The following TDO2 variants were observed in gnomAD, a reference collection of about 807,000 sequenced individuals.
TDO2 encodes the protein tryptophan 2,3-dioxygenase.
Under a neutral mutation model 61.2 loss-of-function variants are expected in TDO2, and 63 were observed. The observed-to-expected ratio is 1.03, with a 90% CI of 0.84 to 1.27. The LOEUF (loss-of-function observed/expected upper bound fraction) is 1.27, where lower values mean the gene tolerates loss of function less well. TDO2 is among the 50% of genes most tolerant of loss of function. The pLI, the probability that TDO2 is intolerant of heterozygous loss-of-function variation, is 0.00. For missense variants in TDO2, 494 were observed against 469.5 expected, an observed-to-expected ratio of 1.05 and a Z score of -0.48; for synonymous variants, 183 against 164.0, an observed-to-expected ratio of 1.12 and a Z score of -0.89.
At chr4:155,918,114 A>G in intron 10 of TDO2, 35 bp from the exon 11 acceptor site, 1 of 1,597,954 alleles carries the variant, frequency 6.3e-7, no homozygotes, top group Non-Finnish European at 8.6e-7. Flanking sequence ...AATGGTGGAA[A>G]AATATCCATG....
intron 3 of TDO2, chr4:155,906,529 C>G (rs1041589175): frequency 6.6e-6 from 1 of 152,064 alleles, no homozygotes; most frequent in South Asian, 2.1e-4. Context: ...TATTGACTTC[C>G]TGTGTCATCT....
In TDO2 at chr4:155,903,829, T is replaced by C. The variant is rs1742669336; in HGVS notation, c.35+36T>C. 2.5e-6 allele frequency: 4 copies of C among 1,611,478 alleles called. No individual in the cohort carries two copies. The Admixed American group carries it at 6.7e-5, about 27-fold the overall frequency. On this transcript the variant is annotated intron_variant, in intron 1 of 11. Coordinates refer to ENST00000536354, the MANE Select transcript of TDO2 (RefSeq NM_005651.4). Reference sequence around the variant, plus strand: ...ACCTTTATTCTAAGTGGGTTTTGGCTTTTAGAAGTATCAGGTGTGAGCATT... The same window carrying C: ...ACCTTTATTCTAAGTGGGTTTTGGCCTTTAGAAGTATCAGGTGTGAGCATT...
chr4:155,917,703 G>A (rs187728862), intron 10 of TDO2, among the ~76,000 whole-genome samples: 9 of 152,168 alleles, frequency 5.9e-5, no homozygotes, highest in East Asian at 5.8e-4. Flanking sequence ...GGGGGCTCAT[G>A]AAAATGTTTT....
intron 7 of TDO2, among the ~76,000 whole-genome samples, chr4:155,913,790 G>A (rs1664492169): frequency 6.6e-6 from 1 of 152,102 alleles, no homozygotes; most frequent in African/African-American, 2.4e-5. Context: ...AGCAGAATAT[G>A]TGTTGTAGGC....
chr4:155,913,754 T>G (rs72681576), intron 7 of TDO2, among the ~76,000 whole-genome samples: 9,887 of 152,206 alleles, frequency 0.065, 416 homozygotes, highest in South Asian at 0.15. Flanking sequence ...TAAATAATTT[T>G]CCCCAGCTCA....
intron 2 of TDO2, 32 bp downstream of exon 2, chr4:155,904,155 T>A (rs1399366780): frequency 6.6e-7 from 1 of 1,523,674 alleles, no homozygotes; most frequent in Non-Finnish European, 9.0e-7. Flanking sequence ...GGGTTTGGTG[T>A]CCATTGTTAG....
At chr4:155,914,711 A>G (rs557834338) in intron 8 of TDO2, among the ~76,000 whole-genome samples, 113 of 152,288 alleles carry the variant, frequency 7.4e-4, no homozygotes, top group African/African-American at 2.6e-3. Context: ...CAAGTAGTTC[A>G]CAGCCTAATA....
chr4:155,916,002 A>G, intron 9 of TDO2, 90 bp downstream of exon 9: 1 of 1,064,634 alleles, frequency 9.4e-7, no homozygotes, highest in African/African-American at 1.7e-5. Flanking sequence ...TTACAATCAT[A>G]GTTTAATGCA....
At chr4:155,909,851 C>G (rs1742785117) in intron 5 of TDO2, among the ~76,000 whole-genome samples, 174 bp from the exon 6 acceptor site, 1 of 120,744 alleles carries the variant, frequency 8.3e-6, no homozygotes, top group East Asian at 2.7e-4. Context: ...CTCCTCTCTT[C>G]TCCTCTCCTC....
intron 3 of TDO2, 126 bp downstream of exon 3, chr4:155,905,283 G>T: frequency 1.3e-6 from 1 of 773,430 alleles, no homozygotes; most frequent in Non-Finnish European, 2.1e-6. Flanking sequence ...AAATGTTTGA[G>T]AATATTTTGC....
chr4:155,909,875 T>TCCC (rs1742786873), intron 5 of TDO2, 150 bp from the exon 6 acceptor site: 2 of 13,378 alleles, frequency 1.5e-4, no homozygotes, highest in African/African-American at 4.9e-4. Context: ...TCTGGACTCC[T>TCCC]CTCCCCTCCC....
chr4:155,907,457 C>T (rs1040648421), intron 3 of TDO2: 16 of 361,324 alleles, frequency 4.4e-5, no homozygotes, highest in Non-Finnish European at 7.4e-5. Flanking sequence ...CCTAAAAATG[C>T]ATTTGTTGAG....
chr4:155,913,922 T>A (rs780454828), intron 7 of TDO2, among the ~76,000 whole-genome samples: 1 of 152,106 alleles, frequency 6.6e-6, no homozygotes, highest in Non-Finnish European at 1.5e-5. Context: ...ACATAGAATT[T>A]CAATAGGTTT....
rs368385974 is a variant in TDO2 at position 155,917,493 on chromosome 4, C to A, written c.976+19C>A. Reference sequence around the variant, plus strand: ...TGGAGATGTAAGTCCTTCCCACTCACCCCATGTTGCTTCCCCACATGCTGT... The same window carrying A: ...TGGAGATGTAAGTCCTTCCCACTCAACCCATGTTGCTTCCCCACATGCTGT... On this transcript the variant is annotated intron_variant, in intron 10 of 11. Transcript: ENST00000536354. 1 of 1,587,848 alleles carries A rather than the reference C, an allele frequency of 6.3e-7. No individual in the cohort carries two copies. The highest frequency in any genetic ancestry group is 8.6e-7 in the Non-Finnish European group (1 of 1,166,856).
intron 3 of TDO2, chr4:155,906,751 C>CA (rs1246512453): frequency 6.6e-6 from 1 of 152,108 alleles, no homozygotes; most frequent in East Asian, 1.9e-4. Context: ...ACAAAGGAGT[C>CA]AAAATGTCTA....
chr4:155,907,652 T>A, intron 3 of TDO2, 70 bp from the exon 4 acceptor site: 1 of 951,180 alleles, frequency 1.1e-6, no homozygotes, highest in Non-Finnish European at 1.7e-6. Flanking sequence ...ATGTTAAACA[T>A]ATCTTTCATA....
At chr4:155,914,509 A>T in intron 8 of TDO2, 75 bp downstream of exon 8, 1 of 978,292 alleles carries the variant, frequency 1.0e-6, no homozygotes, top group South Asian at 2.2e-5. Flanking sequence ...TTATAAGACT[A>T]TCAAGCCTTA....
intron 3 of TDO2, 50 bp from the exon 4 acceptor site, chr4:155,907,672 C>A: frequency 8.0e-7 from 1 of 1,248,184 alleles, no homozygotes; most frequent in Non-Finnish European, 1.2e-6. Context: ...ATAATAATGG[C>A]CAAAAAGGCT....
chr4:155,913,068 C>T (rs1004995066), intron 7 of TDO2, among the ~76,000 whole-genome samples: 1 of 152,100 alleles, frequency 6.6e-6, no homozygotes, highest in African/African-American at 2.4e-5. Flanking sequence ...CACTACCACT[C>T]AAGTGCAACC....
Sources: allele counts gnomAD v4.1 joint callset (sites outside exome capture counted in the v4.1 genomes callset), GRCh38; gene constraint gnomAD v4.1.1; transcripts MANE v1.5; gene names NCBI Gene and HGNC (gene_info 2026-07-23, HGNC 2026-07-21).